Variants in GRIP1 observed in about 807,000 individuals in gnomAD.
GRIP1 encodes the protein glutamate receptor interacting protein 1, also known as glutamate receptor-interacting protein 1.
A neutral mutation model predicts 129.9 loss-of-function variants in GRIP1; 45 were observed. The observed-to-expected ratio is 0.35, with a 90% CI of 0.27 to 0.44. The LOEUF is 0.44. GRIP1 is among the 20% of genes least tolerant of loss of function. The pLI is 1.00. For missense variants in GRIP1, 1,196 were observed against 1,396.8 expected, an observed-to-expected ratio of 0.86 and a Z score of 2.29; for synonymous variants, 530 against 520.8, an observed-to-expected ratio of 1.02 and a Z score of -0.24.
intron 23 of GRIP1, among the ~76,000 whole-genome samples, chr12:66,363,718 T>G (rs2054949186): frequency 1.3e-5 from 2 of 152,148 alleles, no homozygotes; most frequent in Middle Eastern, 6.8e-3. Context: ...TTATGTTAAA[T>G]GAAATAAGCC....
At chr12:66,833,892 A>T (rs1194258946) in intron 1 of GRIP1, among the ~76,000 whole-genome samples, 1 of 152,184 alleles carries the variant, frequency 6.6e-6, no homozygotes, top group African/African-American at 2.4e-5. Context: ...TATGTTGGCC[A>T]GGCACTGTGG....
chr12:66,904,278 G>C (rs999066378), intron 1 of GRIP1, among the ~76,000 whole-genome samples: 1 of 152,112 alleles, frequency 6.6e-6, no homozygotes, highest in African/African-American at 2.4e-5. Context: ...ATCAGTTATT[G>C]AACAAATATT....
intron 19 of GRIP1, among the ~76,000 whole-genome samples, chr12:66,380,140 C>T (rs2056037757): frequency 6.6e-6 from 1 of 152,020 alleles, no homozygotes; most frequent in Non-Finnish European, 1.5e-5. Context: ...GAACTTCTGA[C>T]CTCAGGTGAT....
In GRIP1 at chr12:66,392,288, G is replaced by C. The variant is rs2056618136; in HGVS notation, c.2464+20C>G. 2.1e-6 allele frequency: 3 copies of C among 1,420,616 alleles called. No individual in the cohort carries two copies. The highest frequency in any genetic ancestry group is 1.7e-5 in the Admixed American group (1 of 59,812). 88.0% of individuals were successfully genotyped at this position (1,420,616 alleles called of 1,614,324 possible). A position where few individuals can be genotyped will look rare whatever the true frequency, so the allele number is the denominator to read the frequency against. On this transcript the variant is annotated intron_variant, in intron 19 of 24. Transcript: ENST00000359742. ...GCTTCAACAATGACAAGTCCTCTGG[G>C]GGACAAAGTAAAGACATACCTTGAG...
chr12:66,544,221 G>A (rs2061875505), intron 2 of GRIP1, among the ~76,000 whole-genome samples: 1 of 152,104 alleles, frequency 6.6e-6, no homozygotes, highest in African/African-American at 2.4e-5. Flanking sequence ...CATTTCAAAT[G>A]TTTTCCTAAG....
intron 7 of GRIP1, among the ~76,000 whole-genome samples, chr12:66,483,690 T>C (rs1369435891): frequency 2.0e-5 from 3 of 152,198 alleles, no homozygotes; most frequent in Non-Finnish European, 2.9e-5. Flanking sequence ...TATGGAAGTA[T>C]ATCAACATGC....
At chr12:66,795,793 C>A (rs2038677619) in intron 1 of GRIP1, among the ~76,000 whole-genome samples, 1 of 152,010 alleles carries the variant, frequency 6.6e-6, no homozygotes, top group Non-Finnish European at 1.5e-5. Flanking sequence ...GAAATAATTT[C>A]TTTGACATAT....
intron 7 of GRIP1, among the ~76,000 whole-genome samples, chr12:66,496,525 T>TCC (rs1404354197): frequency 6.6e-6 from 1 of 152,156 alleles, no homozygotes; most frequent in Non-Finnish European, 1.5e-5. Flanking sequence ...TTCCCAATAT[T>TCC]CAAAGAACTG....
chr12:66,540,759 C>T (rs1592515760), intron 3 of GRIP1, among the ~76,000 whole-genome samples: 1 of 152,048 alleles, frequency 6.6e-6, no homozygotes, highest in Non-Finnish European at 1.5e-5. Context: ...ATTTAAGGTA[C>T]TTTGGCCTCA....
intron 1 of GRIP1, among the ~76,000 whole-genome samples, chr12:67,036,420 C>G (rs1049088398): frequency 1.3e-5 from 2 of 151,778 alleles, no homozygotes; most frequent in African/African-American, 4.8e-5. Flanking sequence ...CTCTGCCTCC[C>G]AAGTTCAAGA....
intron 1 of GRIP1, among the ~76,000 whole-genome samples, chr12:66,863,172 A>T (rs2040142243): frequency 6.6e-6 from 1 of 152,066 alleles, no homozygotes; most frequent in African/African-American, 2.4e-5. Context: ...CGATTCCCCA[A>T]AGTGTACCTA....
At chr12:67,014,049 T>C (rs1417589411) in intron 1 of GRIP1, among the ~76,000 whole-genome samples, 1 of 152,194 alleles carries the variant, frequency 6.6e-6, no homozygotes, top group Non-Finnish European at 1.5e-5. Context: ...TTTTGTACCA[T>C]GATGGAGACC....
At chr12:66,499,580 T>TCA (rs2060330713) in intron 7 of GRIP1, among the ~76,000 whole-genome samples, 1 of 152,104 alleles carries the variant, frequency 6.6e-6, no homozygotes, top group Non-Finnish European at 1.5e-5. Flanking sequence ...GGAGAGACAG[T>TCA]CACACACACA....
intron 7 of GRIP1, among the ~76,000 whole-genome samples, chr12:66,471,230 G>A (rs540753474): frequency 1.8e-4 from 27 of 152,270 alleles, no homozygotes; most frequent in African/African-American, 6.3e-4. Flanking sequence ...AACAAAATAA[G>A]TAATACAAAG....
At chr12:66,754,522 T>A (rs1374653151) in intron 1 of GRIP1, among the ~76,000 whole-genome samples, 1 of 152,128 alleles carries the variant, frequency 6.6e-6, no homozygotes, top group East Asian at 1.9e-4. Context: ...ACATATTCTA[T>A]CTCCTGCAGC....
At chr12:66,409,305 C>T (rs1453903057) in intron 15 of GRIP1, among the ~76,000 whole-genome samples, 1 of 152,184 alleles carries the variant, frequency 6.6e-6, no homozygotes, top group Non-Finnish European at 1.5e-5. Flanking sequence ...CCCACCACCC[C>T]TCAGCTTCAG....
intron 1 of GRIP1, among the ~76,000 whole-genome samples, chr12:66,924,240 A>G (rs1045891421): frequency 2.0e-5 from 3 of 152,222 alleles, no homozygotes; most frequent in Non-Finnish European, 4.4e-5. Context: ...ATATTACACT[A>G]TATTTAAGTC....
chr12:66,731,065 C>G (rs2036422365), intron 1 of GRIP1, among the ~76,000 whole-genome samples: 1 of 151,932 alleles, frequency 6.6e-6, no homozygotes. Context: ...GTCATACAGC[C>G]CATGAAGTTT....
chr12:66,508,536 A>T, intron 7 of GRIP1, among the ~76,000 whole-genome samples: 1 of 152,146 alleles, frequency 6.6e-6, no homozygotes, highest in African/African-American at 2.4e-5. Context: ...TAATCCAAAT[A>T]AGAACAGGAT....
Sources: allele counts gnomAD v4.1 joint callset (sites outside exome capture counted in the v4.1 genomes callset), GRCh38; gene constraint gnomAD v4.1.1; transcripts MANE v1.5; gene names NCBI Gene and HGNC (gene_info 2026-07-23, HGNC 2026-07-21).